The following BRCA1 variants were observed in gnomAD, a reference collection of about 807,000 sequenced individuals.
BRCA1 encodes the protein BRCA1 DNA repair associated, also known as breast cancer type 1 susceptibility protein.
In BRCA1, 140 loss-of-function variants were observed where a neutral mutation model predicts 173.7. The ratio of observed to expected loss-of-function variants is 0.81; its 90% CI spans 0.70 to 0.93. The LOEUF is 0.93. BRCA1 is among the 40% of genes least tolerant of loss of function. The pLI is 0.00. For synonymous variants in BRCA1, 662 were observed against 756.0 expected, an observed-to-expected ratio of 0.88 and a Z score of 2.04; for missense variants, 1,983 against 2,172.5, an observed-to-expected ratio of 0.91 and a Z score of 1.73.
At chr17:43,104,800 AT>A (rs1392904142) in intron 5 of BRCA1, 67 bp downstream of exon 5, 4 of 1,355,850 alleles carry the variant, frequency 3.0e-6, no homozygotes, top group Non-Finnish European at 4.2e-6. Context: ...ATAGAAAGTA[AT>A]TGTGCAAACT....
intron 3 of BRCA1, among the ~76,000 whole-genome samples, chr17:43,107,062 A>ATT (rs35202419): frequency 0.28 from 35,184 of 126,710 alleles, 5,647 homozygotes; most frequent in South Asian, 0.48. Flanking sequence ...TACCAAGACA[A>ATT]TTTTTTTTTT....
chr17:43,138,078 T>A, intron 1 of BRCA1: 1 of 159,064 alleles, frequency 6.3e-6, no homozygotes, highest in Admixed American at 6.0e-5. Context: ...TTCCAGCTAC[T>A]AGGGAGGCTG....
chr17:43,060,597 T>C (rs963586803), intron 18 of BRCA1, among the ~76,000 whole-genome samples: 3 of 151,940 alleles, frequency 2.0e-5, no homozygotes, highest in African/African-American at 7.2e-5. Flanking sequence ...TTCAAGTGAT[T>C]CTCCTGCCTC....
chr17:43,130,622 A>T (rs2055957442), intron 1 of BRCA1, among the ~76,000 whole-genome samples: 1 of 152,162 alleles, frequency 6.6e-6, no homozygotes, highest in Non-Finnish European at 1.5e-5. Flanking sequence ...CCTGTATTAT[A>T]ATATTTTTAT....
rs1057417216 is a variant in BRCA1 at position 43,100,657 on chromosome 17, C to G, written c.442-777G>C. 6.8e-4 allele frequency among the ~76,000 whole-genome samples: 11 copies of G among 16,108 alleles called. No individual in the cohort carries two copies. The South Asian group carries it at 8.8e-3, about 13-fold the overall frequency. 10.6% of individuals were successfully genotyped at this position (16,108 alleles called of 152,430 possible). A position where few individuals can be genotyped will look rare whatever the true frequency, so the allele number is the denominator to read the frequency against. ...TTATATATATATAACATATATATAA[C>G]ATATATATATATATATATATAATAT... On this transcript the variant is annotated intron_variant, in intron 6 of 22. Coordinates refer to ENST00000357654, the MANE Select transcript of BRCA1 (RefSeq NM_007294.4).
intron 1 of BRCA1, among the ~76,000 whole-genome samples, chr17:43,158,451 A>AAC (rs1344687540): frequency 6.6e-6 from 1 of 152,198 alleles, no homozygotes; most frequent in Non-Finnish European, 1.5e-5. Flanking sequence ...CTCTCTGAAA[A>AAC]CACAACTTGC....
chr17:43,067,553 C>T (rs2153691872), intron 16 of BRCA1, 55 bp downstream of exon 16: 2 of 1,457,926 alleles, frequency 1.4e-6, no homozygotes, highest in Non-Finnish European at 1.9e-6. Context: ...CGTGCCTCGC[C>T]TCATGTGGTT....
intron 1 of BRCA1, among the ~76,000 whole-genome samples, chr17:43,169,218 A>G (rs1338430473): frequency 6.6e-6 from 1 of 151,988 alleles, no homozygotes; most frequent in Admixed American, 6.6e-5. Flanking sequence ...TCGTTCTGCC[A>G]CCCAGGCTGG....
intron 1 of BRCA1, among the ~76,000 whole-genome samples, chr17:43,135,844 T>C (rs1029448264): frequency 2.6e-5 from 4 of 152,076 alleles, no homozygotes; most frequent in African/African-American, 9.7e-5. Flanking sequence ...TGGGGTAGGG[T>C]GGCAGCGTCC....
intron 13 of BRCA1, among the ~76,000 whole-genome samples, chr17:43,075,178 T>A (rs1029958008): frequency 6.6e-6 from 1 of 152,134 alleles, no homozygotes; most frequent in African/African-American, 2.4e-5. Context: ...ATATTCTACT[T>A]GAGTCTAAAT....
At chr17:43,118,110 C>T (rs2055379529) in intron 2 of BRCA1, among the ~76,000 whole-genome samples, 1 of 152,128 alleles carries the variant, frequency 6.6e-6, no homozygotes, top group South Asian at 2.1e-4. Context: ...AAAGGTTTCA[C>T]TGAGGTGAGA....
intron 18 of BRCA1, among the ~76,000 whole-genome samples, chr17:43,063,049 C>T (rs918136630): frequency 5.3e-5 from 8 of 152,162 alleles, no homozygotes; most frequent in African/African-American, 1.9e-4. Flanking sequence ...TGCCACCAAG[C>T]CCGGCTAATT....
rs185304431 is a variant in BRCA1 at position 43,102,837 on chromosome 17, T to C, written c.441+1285A>G. On this transcript the variant is annotated intron_variant, in intron 6 of 22. Transcript: ENST00000357654. ...CCAGATAATTTAAAAAAACTTTTAA[T>C]ATAGACAAGGACTTGCTATGTTGCC... Among the ~76,000 whole-genome samples the C allele has an allele frequency of 1.4e-4, 22 of 152,224 alleles. No individual in the cohort carries two copies. In the East Asian group the frequency reaches 3.9e-3, roughly 27 times the overall value.
rs886052971 is a variant in BRCA1 at position 43,044,935 on chromosome 17, C to A, written c.*743G>T. On this transcript the variant is annotated 3_prime_UTR_variant, in exon 23 of 23. Transcript: ENST00000357654. ...TCTCCTGCCTTAGCCACCTGAGTAG[C>A]TGGGATTACAGGTGTCCACCACCAT... The A allele has an allele frequency of 6.3e-6, 3 of 475,078 alleles. No homozygotes were observed. The Admixed American group carries it at 7.3e-5, about 12-fold the overall frequency. 29.4% of individuals were successfully genotyped at this position (475,078 alleles called of 1,614,324 possible). A position where few individuals can be genotyped will look rare whatever the true frequency, so the allele number is the denominator to read the frequency against.
intron 2 of BRCA1, chr17:43,119,410 A>G (rs1194789928): frequency 4.4e-6 from 1 of 228,136 alleles, no homozygotes; most frequent in Non-Finnish European, 8.7e-6. Flanking sequence ...CAATGAACTA[A>G]GTCAGGAGGC....
At chr17:43,048,487 G>A (rs1389250922) in intron 21 of BRCA1, among the ~76,000 whole-genome samples, 2 of 150,992 alleles carry the variant, frequency 1.3e-5, no homozygotes, top group Admixed American at 6.6e-5. Flanking sequence ...TTACAGGCGT[G>A]AGCCACCGCA....
At chr17:43,091,298 A>G in intron 10 of BRCA1, 137 bp downstream of exon 10, 1 of 1,181,292 alleles carries the variant, frequency 8.5e-7, no homozygotes, top group South Asian at 1.3e-5. Context: ...GCACCTTAGG[A>G]GGAACATGTT....
intron 3 of BRCA1, among the ~76,000 whole-genome samples, chr17:43,113,262 T>C (rs149522050): frequency 6.6e-6 from 1 of 152,344 alleles, no homozygotes; most frequent in East Asian, 1.9e-4. Context: ...CTCTTGGACC[T>C]TCTCTTTCTT....
chr17:43,095,237 C>G (rs561737049), intron 9 of BRCA1, among the ~76,000 whole-genome samples: 1 of 152,268 alleles, frequency 6.6e-6, no homozygotes, highest in East Asian at 1.9e-4. Flanking sequence ...TTACCACTCC[C>G]TATATTTAAA....
Sources: gnomAD v4.1 joint callset for allele counts (sites outside exome capture counted in the v4.1 genomes callset) on GRCh38, gnomAD v4.1.1 for gene constraint, MANE v1.5 for transcripts, NCBI Gene and HGNC (gene_info 2026-07-23, HGNC 2026-07-21) for gene names.